NAV2: variants seen among roughly 807,000 people sequenced by gnomAD.
The protein encoded by NAV2 is neuron navigator 2.
In NAV2, 54 loss-of-function variants were observed where a neutral mutation model predicts 223.2. The ratio of observed to expected loss-of-function variants is 0.24; its 90% CI spans 0.19 to 0.30. The LOEUF is 0.30. Among genes scored for constraint, NAV2 ranks in the 10% least tolerant of loss-of-function variants. The probability of loss-of-function intolerance (pLI) is 1.00; values close to 1 mark genes in which losing one functional copy is unlikely to be tolerated. For synonymous variants in NAV2, 1,279 were observed against 1,239.3 expected, an observed-to-expected ratio of 1.03 and a Z score of -0.67; for missense variants, 2,806 against 3,147.5, an observed-to-expected ratio of 0.89 and a Z score of 2.60.
intron 1 of NAV2, among the ~76,000 whole-genome samples, chr11:19,823,140 G>T (rs2059466060): frequency 6.6e-6 from 1 of 152,166 alleles, no homozygotes; most frequent in Non-Finnish European, 1.5e-5. Flanking sequence ...GACCTCCTGG[G>T]CTCAAACAAT....
chr11:19,793,175 T>A (rs1256633061), intron 1 of NAV2, among the ~76,000 whole-genome samples: 1 of 126,344 alleles, frequency 7.9e-6, no homozygotes, highest in African/African-American at 3.1e-5. Flanking sequence ...GTCATTGCAC[T>A]CCAGCCTGGC....
chr11:19,803,304 A>G (rs1256607233), intron 1 of NAV2, among the ~76,000 whole-genome samples: 1 of 152,172 alleles, frequency 6.6e-6, no homozygotes, highest in African/African-American at 2.4e-5. Flanking sequence ...TGTCTTGAAA[A>G]TGCAGGCAGG....
At chr11:19,441,442 A>G (rs1013762808) in intron 1 of NAV2, among the ~76,000 whole-genome samples, 2 of 136,432 alleles carry the variant, frequency 1.5e-5, no homozygotes, top group African/African-American at 6.2e-5. Context: ...ACACACACAC[A>G]CACACGCACA....
chr11:19,478,921 A>T (rs1449211722), intron 1 of NAV2, among the ~76,000 whole-genome samples: 3 of 152,122 alleles, frequency 2.0e-5, no homozygotes, highest in Non-Finnish European at 4.4e-5. Flanking sequence ...CCGAGGAATT[A>T]TTTTTCATTA....
At chr11:19,899,369 G>A (rs2042258856) in intron 6 of NAV2, among the ~76,000 whole-genome samples, 1 of 152,186 alleles carries the variant, frequency 6.6e-6, no homozygotes, top group Non-Finnish European at 1.5e-5. Flanking sequence ...GTGATTAGAT[G>A]TAACCATGGA....
intron 28 of NAV2, 29 bp from the exon 29 acceptor site, chr11:20,093,070 C>G (rs2060975845): frequency 6.3e-7 from 1 of 1,577,822 alleles, no homozygotes; most frequent in Non-Finnish European, 8.7e-7. Context: ...CCCCATGTGC[C>G]TAAGGCTGTT....
intron 1 of NAV2, among the ~76,000 whole-genome samples, chr11:19,485,716 G>A (rs961193162): frequency 4.2e-5 from 6 of 142,602 alleles, no homozygotes; most frequent in South Asian, 2.5e-4. Flanking sequence ...TATATGGGAG[G>A]ATCTATTAAG....
chr11:19,539,680 A>G (rs1262236133), intron 1 of NAV2, among the ~76,000 whole-genome samples: 1 of 152,184 alleles, frequency 6.6e-6, no homozygotes, highest in Non-Finnish European at 1.5e-5. Flanking sequence ...AGCCATTTGG[A>G]AAGCCATTAT....
intron 12 of NAV2, among the ~76,000 whole-genome samples, chr11:20,042,707 C>A (rs1338296047): frequency 6.6e-6 from 1 of 151,984 alleles, no homozygotes; most frequent in African/African-American, 2.4e-5. Flanking sequence ...CAGATTCTTG[C>A]CAGGTGTTCA....
At chr11:19,955,787 A>G (rs1008830508) in intron 10 of NAV2, among the ~76,000 whole-genome samples, 4 of 152,198 alleles carry the variant, frequency 2.6e-5, no homozygotes, top group Non-Finnish European at 5.9e-5. Context: ...TCTGGTGAAT[A>G]TGTCCAGACC....
intron 1 of NAV2, among the ~76,000 whole-genome samples, chr11:19,512,821 T>C (rs2043321565): frequency 1.3e-5 from 2 of 152,182 alleles, no homozygotes; most frequent in South Asian, 2.1e-4. Flanking sequence ...ACTATGCAGA[T>C]CAGCACGATA....
chr11:19,411,727 C>G (rs1850153898), intron 1 of NAV2, among the ~76,000 whole-genome samples: 1 of 151,998 alleles, frequency 6.6e-6, no homozygotes, highest in Admixed American at 6.6e-5. Flanking sequence ...TAGCCAAGGG[C>G]TATCTAAATC....
At chr11:19,356,905 G>A (rs1853653193) in intron 1 of NAV2, among the ~76,000 whole-genome samples, 1 of 152,146 alleles carries the variant, frequency 6.6e-6, no homozygotes, top group South Asian at 2.1e-4. Flanking sequence ...GGAAAAGTTG[G>A]GTTATTTTTG....
rs79853153 is a variant in NAV2, at chr11:19,454,907, G to A, written c.75+103880G>A. Among the ~76,000 whole-genome samples, 3 of 152,316 alleles carry A rather than the reference G, an allele frequency of 2.0e-5. No homozygotes were observed. In the East Asian group the frequency reaches 5.8e-4, roughly 29 times the overall value. ...CTTCAGGGAGCAAAAAGAAGGTCCT[G>A]TGGCTAAAACAGTGGTTCTTACTGT... On this transcript the variant is annotated intron_variant, in intron 1 of 37. Coordinates refer to the NAV2 transcript ENST00000360655.
At chr11:19,804,397 C>A (rs1026408815) in intron 1 of NAV2, among the ~76,000 whole-genome samples, 6 of 152,160 alleles carry the variant, frequency 3.9e-5, no homozygotes, top group Admixed American at 3.3e-4. Flanking sequence ...AATGAATCAT[C>A]AACAAGAGAC....
At chr11:19,538,675 C>CT (rs67465066) in intron 1 of NAV2, among the ~76,000 whole-genome samples, 28 of 148,212 alleles carry the variant, frequency 1.9e-4, no homozygotes, top group South Asian at 1.7e-3. Context: ...TTATAACTTT[C>CT]TTTTTTTTTT....
intron 3 of NAV2, among the ~76,000 whole-genome samples, chr11:19,861,488 T>C (rs1170812137): frequency 6.6e-6 from 1 of 152,210 alleles, no homozygotes; most frequent in African/African-American, 2.4e-5. Context: ...TACCGGTTGT[T>C]GGGCACATAT....
intron 12 of NAV2, among the ~76,000 whole-genome samples, chr11:20,039,653 C>T (rs1206010501): frequency 6.6e-6 from 1 of 152,262 alleles, no homozygotes; most frequent in Non-Finnish European, 1.5e-5. Flanking sequence ...ACGCAACTCC[C>T]TCACATATTC....
rs144293189 is a variant in NAV2, at chr11:20,048,848, G to A, written c.4023G>A (p.Pro1341=). The change falls in exon 15 of 38, where the codon CCG becomes CCA. Residue 1341 remains proline, a synonymous_variant. Transcript: ENST00000349880. ...CTCAGCAAGGTAACCTAGACTCCCC[G>A]TCAGGCAGTGGCGTCCTGAGCAGTG... The part of the protein sequence containing the change: ...TMTQQGNLDS[P]SGSGVLSSGS... 52 of 1,614,096 alleles carry A rather than the reference G, an allele frequency of 3.2e-5. No individual in the cohort carries two copies. In the African/African-American group the frequency reaches 4.9e-4, roughly 15 times the overall value.
Sources: gnomAD v4.1 joint callset for allele counts (sites outside exome capture counted in the v4.1 genomes callset) on GRCh38, gnomAD v4.1.1 for gene constraint, MANE v1.5 for transcripts, NCBI Gene and HGNC (gene_info 2026-07-23, HGNC 2026-07-21) for gene names.